The following POLR3B variants were observed in gnomAD, a reference collection of about 807,000 sequenced individuals.
The protein encoded by POLR3B is RNA polymerase III subunit B, also known as DNA-directed RNA polymerase III subunit RPC2.
In POLR3B, 96 loss-of-function variants were observed where a neutral mutation model predicts 147.4. The observed-to-expected ratio is 0.65, with a 90% confidence interval of 0.55 to 0.77. The LOEUF is 0.77. Ranked by LOEUF, POLR3B falls within the 30% of genes least tolerant of loss-of-function variation. The pLI is 0.00. For missense variants in POLR3B, 1,036 were observed against 1,413.5 expected, an observed-to-expected ratio of 0.73 and a Z score of 4.28; for synonymous variants, 461 against 485.9, an observed-to-expected ratio of 0.95 and a Z score of 0.67.
intron 19 of POLR3B, among the ~76,000 whole-genome samples, chr12:106,448,515 T>G (rs1240097668): frequency 6.8e-6 from 1 of 146,904 alleles, no homozygotes; most frequent in Non-Finnish European, 1.5e-5. Flanking sequence ...CAACTCACTG[T>G]GACCTCCACT....
At chr12:106,420,422 T>G (rs1046950240) in intron 12 of POLR3B, among the ~76,000 whole-genome samples, 22 of 152,232 alleles carry the variant, frequency 1.4e-4, no homozygotes, top group African/African-American at 4.6e-4. Context: ...CAGGTCTTTC[T>G]CTGAGTTTCA....
intron 11 of POLR3B, among the ~76,000 whole-genome samples, chr12:106,406,229 A>T (rs534225166): frequency 4.6e-5 from 7 of 152,112 alleles, no homozygotes; most frequent in African/African-American, 1.7e-4. Flanking sequence ...TTGTTATTTT[A>T]TATTCATACA....
intron 19 of POLR3B, among the ~76,000 whole-genome samples, chr12:106,447,262 CT>C (rs1488502552): frequency 1.3e-5 from 2 of 152,094 alleles, no homozygotes; most frequent in Non-Finnish European, 2.9e-5. Context: ...CCCACTCCCC[CT>C]ACAAGAGAGT....
intron 14 of POLR3B, among the ~76,000 whole-genome samples, chr12:106,430,758 G>A (rs976198986): frequency 6.6e-6 from 1 of 152,122 alleles, no homozygotes; most frequent in Non-Finnish European, 1.5e-5. Flanking sequence ...CATGCACAGA[G>A]GGGATAAGAC....
chr12:106,394,856 A>G (rs540140219), intron 10 of POLR3B, among the ~76,000 whole-genome samples: 1 of 152,368 alleles, frequency 6.6e-6, no homozygotes, highest in South Asian at 2.1e-4. Context: ...TAAGGCACAT[A>G]TTAGCTATTG....
chr12:106,426,509 G>A (rs1257916494), intron 12 of POLR3B, among the ~76,000 whole-genome samples: 6 of 151,884 alleles, frequency 4.0e-5, no homozygotes, highest in Admixed American at 3.9e-4. Flanking sequence ...TAGAGACAGG[G>A]TTTCACCATC....
chr12:106,457,335 G>T (rs774750317), intron 21 of POLR3B, 39 bp downstream of exon 21: 48 of 1,495,012 alleles, frequency 3.2e-5, no homozygotes, highest in Non-Finnish European at 4.0e-5. Context: ...AATACTTTTT[G>T]ACATCATATG....
chr12:106,395,217 A>G (rs1342196831), intron 10 of POLR3B, among the ~76,000 whole-genome samples: 2 of 152,076 alleles, frequency 1.3e-5, no homozygotes, highest in African/African-American at 2.4e-5. Context: ...ACAGAGTAAG[A>G]CCTTTCCTCA....
intron 23 of POLR3B, among the ~76,000 whole-genome samples, chr12:106,489,100 A>T (rs1043691460): frequency 6.6e-6 from 1 of 152,204 alleles, no homozygotes; most frequent in African/African-American, 2.4e-5. Flanking sequence ...GGTCCTGTGG[A>T]TCACAGCATC....
intron 9 of POLR3B, among the ~76,000 whole-genome samples, chr12:106,390,213 G>A (rs2036895177): frequency 7.5e-6 from 1 of 133,360 alleles, no homozygotes; most frequent in Non-Finnish European, 1.6e-5. Context: ...GTAAGACTCT[G>A]TCTCTGAAAA....
In POLR3B at chr12:106,509,595, G is replaced by A. The variant is rs371809211; in HGVS notation, c.*46G>A. The A allele has an allele frequency of 6.5e-7, 1 of 1,540,112 alleles. No homozygotes were observed. Reference sequence around the variant, plus strand: ...AAAGAGAACAAGTGATACATCCAATGCAACGGAAAGCAGAAGGGATTTAGG... The same window carrying A: ...AAAGAGAACAAGTGATACATCCAATACAACGGAAAGCAGAAGGGATTTAGG... On this transcript the variant is annotated 3_prime_UTR_variant, in exon 28 of 28. Transcript: ENST00000228347.
chr12:106,392,849 T>G (rs376362924), intron 9 of POLR3B, among the ~76,000 whole-genome samples, 182 bp from the exon 10 acceptor site: 3 of 152,380 alleles, frequency 2.0e-5, no homozygotes, highest in Middle Eastern at 3.4e-3. Context: ...CTAATCAAAA[T>G]ATCTGTTTCA....
chr12:106,438,840 C>CT (rs34399991), intron 18 of POLR3B, among the ~76,000 whole-genome samples: 38,552 of 152,096 alleles, frequency 0.25, 5,568 homozygotes, highest in African/African-American at 0.39. Context: ...TTCAAAAACT[C>CT]TAAGTTTATG....
chr12:106,392,583 A>T (rs2036927199), intron 9 of POLR3B, among the ~76,000 whole-genome samples: 1 of 152,180 alleles, frequency 6.6e-6, no homozygotes, highest in African/African-American at 2.4e-5. Context: ...GAAAAATATG[A>T]GTGATTTGAC....
chr12:106,372,572 C>T (rs2136892007), intron 6 of POLR3B, among the ~76,000 whole-genome samples: 1 of 152,108 alleles, frequency 6.6e-6, no homozygotes. Flanking sequence ...AACTCCTGAC[C>T]TCATGTGATC....
intron 23 of POLR3B, among the ~76,000 whole-genome samples, chr12:106,467,013 A>G (rs1051560897): frequency 3.9e-5 from 6 of 152,086 alleles, no homozygotes; most frequent in Admixed American, 1.3e-4. Flanking sequence ...CTTGATGGGG[A>G]TAGCATTGAA....
At chr12:106,405,190 G>A (rs780276188) in intron 10 of POLR3B, among the ~76,000 whole-genome samples, 5 of 151,850 alleles carry the variant, frequency 3.3e-5, no homozygotes, top group Non-Finnish European at 5.9e-5. Flanking sequence ...TCCTGTTTTC[G>A]CTACTCCAGG....
intron 1 of POLR3B, among the ~76,000 whole-genome samples, chr12:106,362,369 G>C (rs1222361992): frequency 3.3e-5 from 5 of 152,152 alleles, no homozygotes; most frequent in Admixed American, 3.3e-4. Context: ...CCGTAACAAA[G>C]TAACCACAAA....
At chr12:106,396,067 C>T (rs1000482497) in intron 10 of POLR3B, among the ~76,000 whole-genome samples, 2 of 152,100 alleles carry the variant, frequency 1.3e-5, no homozygotes, top group Non-Finnish European at 2.9e-5. Context: ...TTGTCTTGGG[C>T]TCTAGTATAT....
Sources: gnomAD v4.1 joint callset for allele counts (sites outside exome capture counted in the v4.1 genomes callset) on GRCh38, gnomAD v4.1.1 for gene constraint, MANE v1.5 for transcripts, NCBI Gene and HGNC (gene_info 2026-07-23, HGNC 2026-07-21) for gene names.